Variants in DNAAF19 observed in about 807,000 individuals in gnomAD.
The protein encoded by DNAAF19 is coiled-coil domain containing 103.
the DNAAF19 span, chr17:44,903,521 C>T: frequency 8.6e-6 from 11 of 1,285,664 alleles, no homozygotes; most frequent in Admixed American, 2.2e-4. Flanking sequence ...CTTCTCATTC[C>T]GGTTTCCTTT....
At chr17:44,900,881 A>T in the DNAAF19 span, 1 of 1,036,548 alleles carries the variant, frequency 9.6e-7, no homozygotes, top group South Asian at 1.8e-5. Context: ...GAGTGACATG[A>T]TGTCCAGAGT....
the DNAAF19 span, chr17:44,904,508 G>T: frequency 6.5e-7 from 1 of 1,550,040 alleles, no homozygotes; most frequent in Admixed American, 2.0e-5. Context: ...GCGGACCAAG[G>T]CCAGGGACCA....
the DNAAF19 span, chr17:44,904,376 G>A: frequency 1.9e-6 from 3 of 1,543,476 alleles, no homozygotes; most frequent in Non-Finnish European, 2.6e-6. Flanking sequence ...CCGCTGCGGA[G>A]TGCGTGGGGA....
chr17:44,904,787 A>G, the DNAAF19 span: 1 of 1,550,638 alleles, frequency 6.4e-7, no homozygotes, highest in Non-Finnish European at 8.7e-7. Flanking sequence ...CAACAGGTCC[A>G]TGAGGGTGTT....
chr17:44,903,620 G>T, the DNAAF19 span: 1 of 1,430,104 alleles, frequency 7.0e-7, no homozygotes, highest in Non-Finnish European at 9.1e-7. Context: ...CTGAGATCAG[G>T]TCTGGAATGT....
chr17:44,901,219 G>A, the DNAAF19 span: 8 of 1,522,140 alleles, frequency 5.3e-6, 1 homozygote, highest in South Asian at 1.0e-4. Flanking sequence ...AAACCATTCT[G>A]GGCTTCAGTC....
the DNAAF19 span, chr17:44,903,667 G>A: frequency 7.0e-7 from 1 of 1,435,258 alleles, no homozygotes; most frequent in South Asian, 1.5e-5. Flanking sequence ...GGAATAAATT[G>A]CCTTGCACTT....
At chr17:44,903,959 C>A in the DNAAF19 span, 2 of 1,550,610 alleles carry the variant, frequency 1.3e-6, no homozygotes, top group South Asian at 2.4e-5. Flanking sequence ...TGCAGCCTAC[C>A]TGGCCGACAT....
the DNAAF19 span, chr17:44,905,359 C>A: frequency 2.3e-6 from 1 of 435,804 alleles, no homozygotes; most frequent in Non-Finnish European, 4.3e-6. Flanking sequence ...CAGATTTATC[C>A]AGTGGTAAAC....
chr17:44,902,776 A>G, the DNAAF19 span: 1 of 1,582,116 alleles, frequency 6.3e-7, no homozygotes, highest in Non-Finnish European at 8.6e-7. Flanking sequence ...GGAGGAGGAG[A>G]GGCTCCTGCA....
the DNAAF19 span, chr17:44,905,224 G>C: frequency 9.1e-6 from 6 of 656,188 alleles, no homozygotes; most frequent in Non-Finnish European, 1.6e-5. Context: ...GGGCAGGTCT[G>C]GGACCTGATC....
the DNAAF19 span, chr17:44,904,399 C>A: frequency 3.2e-6 from 5 of 1,542,044 alleles, no homozygotes; most frequent in South Asian, 1.2e-5. Flanking sequence ...AGTGGCGCAT[C>A]GGCCTCTGCT....
chr17:44,902,255 C>CAGT, the DNAAF19 span: 7 of 1,421,686 alleles, frequency 4.9e-6, no homozygotes, highest in Non-Finnish European at 7.0e-6. Flanking sequence ...AGTGCTCAGA[C>CAGT]AGTAGTGAGA....
the DNAAF19 span, chr17:44,904,632 GGGTGCCCCA>G: frequency 6.4e-7 from 1 of 1,550,574 alleles, no homozygotes. Flanking sequence ...AGCCGGCCCT[GGGTGCCCCA>G]GGTGCCCATT....
At chr17:44,900,957 G>A in the DNAAF19 span, 2 of 1,561,862 alleles carry the variant, frequency 1.3e-6, no homozygotes, top group East Asian at 4.8e-5. Flanking sequence ...GATATTGACT[G>A]TCCACTGACA....
At chr17:44,903,100 T>C in the DNAAF19 span, 2 of 1,330,368 alleles carry the variant, frequency 1.5e-6, no homozygotes, top group South Asian at 4.6e-5. Context: ...CCCACTGGCC[T>C]TGAGAGATGA....
chr17:44,904,307 G>A, the DNAAF19 span: 7 of 1,547,080 alleles, frequency 4.5e-6, no homozygotes, highest in South Asian at 1.2e-5. Flanking sequence ...GCCCTTTGCA[G>A]ATGAATACTA....
chr17:44,903,030 A>C, the DNAAF19 span: 2 of 1,404,696 alleles, frequency 1.4e-6, no homozygotes, highest in Non-Finnish European at 1.8e-6. Context: ...TGGACAGTCA[A>C]GAGCTCAGGA....
chr17:44,902,773 G>A, the DNAAF19 span: 1 of 1,589,134 alleles, frequency 6.3e-7, no homozygotes, highest in Non-Finnish European at 8.6e-7. Context: ...CCAGGAGGAG[G>A]AGAGGCTCCT....
Sources: allele counts gnomAD v4.1 joint callset, GRCh38; gene constraint gnomAD v4.1.1; transcripts MANE v1.5; gene names NCBI Gene and HGNC (gene_info 2026-07-23, HGNC 2026-07-21).